Variants in EEIG1 observed in about 807,000 individuals in gnomAD.
EEIG1 encodes early estrogen-induced gene 1 protein.
chr9:127,966,038 C>G, the EEIG1 span, among the ~76,000 whole-genome samples: 2 of 150,130 alleles, frequency 1.3e-5, no homozygotes, highest in Non-Finnish European at 3.0e-5. Context: ...AAAGACACCC[C>G]TATTAGCAGT....
chr9:127,944,911 G>T, the EEIG1 span: 2 of 1,608,594 alleles, frequency 1.2e-6, no homozygotes, highest in Non-Finnish European at 1.7e-6. Context: ...GGGTCAGGTC[G>T]TGGGGGGACA....
the EEIG1 span, chr9:127,950,332 T>A: frequency 7.3e-7 from 1 of 1,367,182 alleles, no homozygotes; most frequent in South Asian, 1.2e-5. Context: ...GCCTGTATTT[T>A]TAACAACCCT....
the EEIG1 span, among the ~76,000 whole-genome samples, chr9:127,949,044 C>A: frequency 6.9e-3 from 1,048 of 151,750 alleles, 6 homozygotes; most frequent in Non-Finnish European, 0.011. Context: ...GGCCGGGTGC[C>A]GTGGCTCACG....
chr9:127,975,132 G>A, the EEIG1 span, among the ~76,000 whole-genome samples: 1 of 152,220 alleles, frequency 6.6e-6, no homozygotes, highest in Non-Finnish European at 1.5e-5. Flanking sequence ...CTGGCCACAA[G>A]TGTGTGGAGT....
chr9:127,952,374 C>T, the EEIG1 span, among the ~76,000 whole-genome samples: 3 of 152,262 alleles, frequency 2.0e-5, no homozygotes, highest in Non-Finnish European at 4.4e-5. Flanking sequence ...GAAGCCCACC[C>T]TCCTGCCACT....
chr9:127,961,135 C>T, the EEIG1 span, among the ~76,000 whole-genome samples: 4 of 152,344 alleles, frequency 2.6e-5, no homozygotes, highest in African/African-American at 7.2e-5. Flanking sequence ...GAAGTCACAG[C>T]AGAGCTAGTC....
At chr9:127,948,813 C>A in the EEIG1 span, among the ~76,000 whole-genome samples, 1 of 152,204 alleles carries the variant, frequency 6.6e-6, no homozygotes. Context: ...GGGAAGAGGG[C>A]TCATGGGGCC....
the EEIG1 span, among the ~76,000 whole-genome samples, chr9:127,975,850 G>A: frequency 2.0e-5 from 3 of 151,994 alleles, no homozygotes; most frequent in African/African-American, 4.8e-5. Context: ...GCAGCTCCCC[G>A]ACTCACCAGA....
chr9:127,942,321 C>T, the EEIG1 span: 1 of 152,510 alleles, frequency 6.6e-6, no homozygotes, highest in Non-Finnish European at 1.5e-5. Flanking sequence ...GTGCTCAGAC[C>T]TTTCTCAGCA....
At chr9:127,958,430 C>G in the EEIG1 span, among the ~76,000 whole-genome samples, 1 of 152,002 alleles carries the variant, frequency 6.6e-6, no homozygotes, top group Non-Finnish European at 1.5e-5. Context: ...TTTCGGAGGC[C>G]AAGGTGGGAG....
the EEIG1 span, among the ~76,000 whole-genome samples, chr9:127,971,320 A>G: frequency 2.0e-5 from 3 of 151,956 alleles, no homozygotes; most frequent in Non-Finnish European, 2.9e-5. Context: ...CCAAGGTCCA[A>G]TTGCCGTGCT....
the EEIG1 span, chr9:127,948,101 G>C: frequency 1.2e-6 from 2 of 1,612,808 alleles, no homozygotes; most frequent in Non-Finnish European, 1.7e-6. Flanking sequence ...CGAGCCTTGG[G>C]GGGCCGGGAC....
chr9:127,950,203 G>A, the EEIG1 span, among the ~76,000 whole-genome samples: 2 of 152,196 alleles, frequency 1.3e-5, no homozygotes, highest in Admixed American at 1.3e-4. Context: ...AGACTGTCAG[G>A]GCCCCCTCTC....
the EEIG1 span, among the ~76,000 whole-genome samples, chr9:127,973,796 G>A: frequency 6.6e-6 from 1 of 152,034 alleles, no homozygotes; most frequent in Non-Finnish European, 1.5e-5. The surrounding 1 kb of genome is among the most constrained non-coding windows in gnomAD (Gnocchi z 4.2). Flanking sequence ...TTGTGCCCCC[G>A]ACCTGCACCT....
chr9:127,944,776 C>T, the EEIG1 span: 1 of 1,611,906 alleles, frequency 6.2e-7, no homozygotes, highest in Non-Finnish European at 8.5e-7. Context: ...GCACGGCTCA[C>T]CCTCGGTGTT....
the EEIG1 span, chr9:127,950,478 C>T: frequency 6.2e-7 from 1 of 1,614,056 alleles, no homozygotes; most frequent in East Asian, 2.2e-5. Flanking sequence ...CTCGAGCAGG[C>T]AGCAGCGCAC....
At chr9:127,940,912 C>T in the EEIG1 span, 1 of 152,110 alleles carries the variant, frequency 6.6e-6, no homozygotes, top group East Asian at 1.9e-4. Context: ...CTTTAAATCT[C>T]CTAATAAAAA....
chr9:127,975,986 C>T, the EEIG1 span, among the ~76,000 whole-genome samples: 1 of 152,176 alleles, frequency 6.6e-6, no homozygotes, highest in Non-Finnish European at 1.5e-5. Flanking sequence ...CAGGCCTGGC[C>T]CCAAATCCAC....
chr9:127,954,406 A>G, the EEIG1 span, among the ~76,000 whole-genome samples: 1 of 152,222 alleles, frequency 6.6e-6, no homozygotes, highest in Admixed American at 6.5e-5. Flanking sequence ...CCCAGCCAGT[A>G]GATAGCTGAG....
Sources: gnomAD v4.1 joint callset for allele counts (sites outside exome capture counted in the v4.1 genomes callset) on GRCh38, gnomAD v4.1.1 for gene constraint, Gnocchi (gnomAD v3.1) non-coding constraint, MANE v1.5 for transcripts, NCBI Gene and HGNC (gene_info 2026-07-23, HGNC 2026-07-21) for gene names.